Variants in HOOK3 observed in about 807,000 individuals in gnomAD.
The protein encoded by HOOK3 is protein Hook homolog 3.
In HOOK3, 24 loss-of-function variants were observed where a neutral mutation model predicts 116.3. The ratio of observed to expected loss-of-function variants is 0.21; its 90% CI spans 0.15 to 0.29. The LOEUF (loss-of-function observed/expected upper bound fraction) is 0.29. Ranked by LOEUF, HOOK3 falls within the 10% of genes least tolerant of loss-of-function variation. The pLI is 1.00. For missense variants in HOOK3, 632 were observed against 830.2 expected (o/e 0.76, Z 2.93); for synonymous variants, 275 against 283.0 (o/e 0.97, Z 0.28).
At chr8:42,913,417 TGTA>T (rs1319056032) in intron 2 of HOOK3, among the ~76,000 whole-genome samples, 3 of 152,236 alleles carry the variant, frequency 2.0e-5, no homozygotes, top group Non-Finnish European at 4.4e-5. Flanking sequence ...TCTTCTTTCA[TGTA>T]GTATAATTTT....
chr8:42,994,781 G>A (rs1321423221), intron 15 of HOOK3, among the ~76,000 whole-genome samples: 1 of 151,664 alleles, frequency 6.6e-6, no homozygotes, highest in African/African-American at 2.4e-5. Context: ...TACTATTTTT[G>A]CTCACCTATT....
chr8:43,000,919 A>G (rs962004985), intron 16 of HOOK3: 2 of 152,188 alleles, frequency 1.3e-5, no homozygotes, highest in Admixed American at 1.3e-4. Flanking sequence ...AGTTTCTAAA[A>G]TGTATTTACA....
chr8:43,005,620 A>G (rs1809469693), intron 17 of HOOK3, among the ~76,000 whole-genome samples: 1 of 152,154 alleles, frequency 6.6e-6, no homozygotes, highest in African/African-American at 2.4e-5. Context: ...TCTGGGAAGA[A>G]TATAGAGACA....
intron 2 of HOOK3, among the ~76,000 whole-genome samples, chr8:42,919,899 C>G (rs1008619777): frequency 2.6e-5 from 4 of 151,616 alleles, no homozygotes; most frequent in Non-Finnish European, 4.4e-5. Flanking sequence ...GCAGTACAGT[C>G]CAGCCTTGGC....
chr8:42,997,471 T>C (rs972910618), intron 15 of HOOK3, 79 bp from the exon 16 acceptor site: 4 of 820,908 alleles, frequency 4.9e-6, no homozygotes, highest in East Asian at 2.6e-5. Context: ...AATTATACTT[T>C]CTAACTAATA....
At chr8:42,941,540 A>G (rs938867623) in intron 4 of HOOK3, among the ~76,000 whole-genome samples, 14 of 150,830 alleles carry the variant, frequency 9.3e-5, no homozygotes, top group African/African-American at 3.4e-4. Context: ...AAAAAAAAAA[A>G]GAGGCATGAG....
intron 13 of HOOK3, among the ~76,000 whole-genome samples, chr8:42,979,994 G>A (rs557130272): frequency 4.1e-4 from 36 of 87,918 alleles, no homozygotes; most frequent in African/African-American, 1.5e-3. Flanking sequence ...ATGGAGTTTT[G>A]CTCTTTTTGC....
intron 2 of HOOK3, among the ~76,000 whole-genome samples, chr8:42,923,905 G>C (rs1807711645): frequency 6.6e-6 from 1 of 152,150 alleles, no homozygotes; most frequent in South Asian, 2.1e-4. Flanking sequence ...AATCATAACA[G>C]ATTTGTATAG....
chr8:42,927,511 C>T (rs1780504400), intron 3 of HOOK3, among the ~76,000 whole-genome samples: 2 of 152,170 alleles, frequency 1.3e-5, no homozygotes, highest in African/African-American at 4.8e-5. Flanking sequence ...CCGCCTTGGC[C>T]TCCCAAAGTG....
intron 1 of HOOK3, among the ~76,000 whole-genome samples, chr8:42,905,774 CAA>C (rs113517967): frequency 2.3e-4 from 28 of 121,868 alleles, no homozygotes; most frequent in Admixed American, 1.7e-4. Context: ...AGATAATCAC[CAA>C]AAAAAAAAAA....
At chr8:42,959,957 A>G (rs1174413307) in intron 8 of HOOK3, among the ~76,000 whole-genome samples, 3 of 152,104 alleles carry the variant, frequency 2.0e-5, no homozygotes, top group African/African-American at 7.2e-5. Flanking sequence ...TGAAAGGCAT[A>G]TGAGTTGGTC....
intron 11 of HOOK3, among the ~76,000 whole-genome samples, chr8:42,969,723 A>C (rs1372640922): frequency 6.6e-6 from 1 of 152,174 alleles, no homozygotes; most frequent in African/African-American, 2.4e-5. Context: ...TTTTAATTAT[A>C]CTTCATGTTA....
intron 15 of HOOK3, among the ~76,000 whole-genome samples, chr8:42,993,601 G>A (rs1293888792): frequency 2.0e-5 from 3 of 152,140 alleles, no homozygotes; most frequent in African/African-American, 7.2e-5. Flanking sequence ...TTCTTTAAAT[G>A]TTTTGTAGAA....
intron 2 of HOOK3, among the ~76,000 whole-genome samples, chr8:42,911,604 AAATTTGTAGT>A (rs999783766): frequency 6.6e-6 from 1 of 152,202 alleles, no homozygotes; most frequent in Admixed American, 6.5e-5. Flanking sequence ...AGTTAGAAAG[AAATTTGTAGT>A]AATTCAGAAG....
At chr8:42,908,567 A>G (rs1807359809) in intron 2 of HOOK3, among the ~76,000 whole-genome samples, 1 of 152,232 alleles carries the variant, frequency 6.6e-6, no homozygotes, top group Admixed American at 6.5e-5. Context: ...GAAAAGGACA[A>G]GTCTCTTCAG....
intron 15 of HOOK3, among the ~76,000 whole-genome samples, chr8:42,992,553 T>C (rs1349011142): frequency 6.7e-6 from 1 of 150,250 alleles, no homozygotes; most frequent in Non-Finnish European, 1.5e-5. Context: ...CCGTCTCTGC[T>C]AAAAATACAA....
chr8:42,979,030 G>A (rs1451679304), intron 13 of HOOK3, among the ~76,000 whole-genome samples: 2 of 152,150 alleles, frequency 1.3e-5, no homozygotes, highest in Non-Finnish European at 2.9e-5. Flanking sequence ...GGCCAAGGAA[G>A]GAAGATTTCT....
At chr8:42,937,788 T>C (rs1467928032) in intron 4 of HOOK3, among the ~76,000 whole-genome samples, 2 of 152,362 alleles carry the variant, frequency 1.3e-5, no homozygotes, top group East Asian at 1.9e-4. Flanking sequence ...TTGCATTTAC[T>C]GAGGAGTGTT....
intron 5 of HOOK3, among the ~76,000 whole-genome samples, chr8:42,945,672 A>G (rs1586604025): frequency 6.6e-6 from 1 of 152,330 alleles, no homozygotes; most frequent in African/African-American, 2.4e-5. Flanking sequence ...GTGAACTTTA[A>G]GGTAGCCGCA....
Sources: allele counts gnomAD v4.1 joint callset (sites outside exome capture counted in the v4.1 genomes callset), GRCh38; gene constraint gnomAD v4.1.1; transcripts MANE v1.5; gene names NCBI Gene and HGNC (gene_info 2026-07-23, HGNC 2026-07-21).